Variants in AGBL1 observed in about 807,000 individuals in gnomAD.
The protein encoded by AGBL1 is cytosolic carboxypeptidase 4.
Under a neutral mutation model 118.9 loss-of-function variants are expected in AGBL1, and 130 were observed. That is an observed-to-expected ratio of 1.09 (90% CI 0.95 to 1.26). The LOEUF is 1.26. Among genes scored for constraint, AGBL1 ranks in the 50% most tolerant of loss-of-function variants. The pLI is 0.00. For synonymous variants in AGBL1, 555 were observed against 478.9 expected, an observed-to-expected ratio of 1.16 and a Z score of -2.08; for missense variants, 1,584 against 1,298.1, an observed-to-expected ratio of 1.22 and a Z score of -3.38.
intron 13 of AGBL1, among the ~76,000 whole-genome samples, chr15:86,269,076 T>C (rs1340023741): frequency 1.3e-5 from 2 of 152,154 alleles, no homozygotes; most frequent in Non-Finnish European, 2.9e-5. Flanking sequence ...GGGGAGAGGA[T>C]CCCTGAGGGC....
At chr15:86,093,284 A>C (rs527425422) in intron 1 of AGBL1, among the ~76,000 whole-genome samples, 1 of 152,314 alleles carries the variant, frequency 6.6e-6, no homozygotes, top group East Asian at 1.9e-4. Flanking sequence ...AAAAATCCTA[A>C]GTACCTGCTA....
In AGBL1 at chr15:86,801,310, C is replaced by CATCTGTCT. The variant is rs1555451584; in HGVS notation, c.3159-105773_3159-105772insGTCTATCT. ...CTTGGCTTATAACTGTTGATGATTA[C>CATCTGTCT]ATCTATCTATCTATCTATCTATCTA... is the stretch of plus-strand genomic sequence containing the variant. On this transcript the variant is annotated intron_variant, in intron 22 of 22. Coordinates refer to ENST00000614907, the MANE Select transcript of AGBL1 (RefSeq NM_001386094.1). Among the ~76,000 whole-genome samples, 169 of 147,314 alleles carry CATCTGTCT rather than the reference C, an allele frequency of 1.1e-3. 1 individual carries two copies. The highest frequency in any genetic ancestry group is 3.8e-3 in the African/African-American group (153 of 40,004).
intron 17 of AGBL1, among the ~76,000 whole-genome samples, chr15:86,356,751 A>T (rs1187582841): frequency 6.6e-6 from 1 of 151,898 alleles, no homozygotes; most frequent in Non-Finnish European, 1.5e-5. Flanking sequence ...TGGGCAAACG[A>T]GGAGGTATTC....
At chr15:86,223,005 G>A (rs1436687384) in intron 5 of AGBL1, among the ~76,000 whole-genome samples, 1 of 152,054 alleles carries the variant, frequency 6.6e-6, no homozygotes, top group Non-Finnish European at 1.5e-5. Flanking sequence ...GTTTCTATCT[G>A]GCTTTCAGAA....
intron 23 of AGBL1, among the ~76,000 whole-genome samples, chr15:86,955,887 A>G (rs1285290361): frequency 6.6e-6 from 1 of 152,080 alleles, no homozygotes. Flanking sequence ...TCAATAATAT[A>G]TATGTTATTG....
At chr15:86,999,302 T>A (rs1452246110) in intron 24 of AGBL1, among the ~76,000 whole-genome samples, 1 of 151,570 alleles carries the variant, frequency 6.6e-6, no homozygotes, top group East Asian at 1.9e-4. Flanking sequence ...ACATGTGCCA[T>A]GCTGGTGCGC....
chr15:86,333,412 C>T (rs1346573108), intron 17 of AGBL1, among the ~76,000 whole-genome samples: 2 of 151,986 alleles, frequency 1.3e-5, no homozygotes, highest in Non-Finnish European at 2.9e-5. Flanking sequence ...ATCTTTGTGC[C>T]CACAAAGTAG....
chr15:86,559,191 G>A (rs2083778817), intron 21 of AGBL1, among the ~76,000 whole-genome samples: 1 of 152,088 alleles, frequency 6.6e-6, no homozygotes, highest in African/African-American at 2.4e-5. Context: ...CCTTACTCCA[G>A]GATGACCTCA....
intron 17 of AGBL1, among the ~76,000 whole-genome samples, chr15:86,375,210 G>A (rs2081025718): frequency 6.6e-6 from 1 of 152,164 alleles, no homozygotes; most frequent in African/African-American, 2.4e-5. Context: ...AATTTATAAA[G>A]AAAAGAGGTT....
intron 6 of AGBL1, among the ~76,000 whole-genome samples, chr15:86,228,117 G>A (rs1192009788): frequency 6.6e-6 from 1 of 152,214 alleles, no homozygotes; most frequent in Non-Finnish European, 1.5e-5. Flanking sequence ...GTCAGGGGTT[G>A]CTGCAGGGCA....
intron 22 of AGBL1, among the ~76,000 whole-genome samples, chr15:86,905,150 C>G (rs1489451089): frequency 2.0e-5 from 3 of 151,980 alleles, no homozygotes; most frequent in Non-Finnish European, 4.4e-5. Flanking sequence ...ATTGTGAAGG[C>G]TTGGGAAAAT....
chr15:86,631,448 CAG>C (rs1567092501), intron 21 of AGBL1, among the ~76,000 whole-genome samples: 1 of 152,164 alleles, frequency 6.6e-6, no homozygotes, highest in African/African-American at 2.4e-5. Context: ...GAGAGAGATT[CAG>C]AGAGATTGTG....
intron 5 of AGBL1, among the ~76,000 whole-genome samples, chr15:86,222,469 C>T (rs1460982161): frequency 2.0e-5 from 3 of 152,106 alleles, no homozygotes; most frequent in Non-Finnish European, 4.4e-5. Flanking sequence ...CCTCAGCTCT[C>T]GTTAATTTTT....
At chr15:86,972,964 G>T (rs372472848) in intron 23 of AGBL1, among the ~76,000 whole-genome samples, 1 of 151,962 alleles carries the variant, frequency 6.6e-6, no homozygotes, top group Non-Finnish European at 1.5e-5. Flanking sequence ...GGTATAAGCA[G>T]TATAGCTCGG....
At chr15:86,396,935 A>T (rs1411851869) in intron 17 of AGBL1, among the ~76,000 whole-genome samples, 2 of 152,114 alleles carry the variant, frequency 1.3e-5, no homozygotes, top group African/African-American at 4.8e-5. Context: ...ATCTTGATAA[A>T]ATCTGCTTCT....
intron 21 of AGBL1, among the ~76,000 whole-genome samples, chr15:86,656,989 C>T (rs926712269): frequency 6.6e-6 from 1 of 152,158 alleles, no homozygotes; most frequent in Non-Finnish European, 1.5e-5. Context: ...TACCTGCTCC[C>T]CAGCCCTCCA....
At chr15:86,628,442 G>A (rs575455418) in intron 21 of AGBL1, among the ~76,000 whole-genome samples, 4 of 152,212 alleles carry the variant, frequency 2.6e-5, no homozygotes, top group East Asian at 3.9e-4. Context: ...ACTGATAGGC[G>A]CGTTGAATGA....
At chr15:86,637,381 A>G (rs1446668181) in intron 21 of AGBL1, among the ~76,000 whole-genome samples, 1 of 152,062 alleles carries the variant, frequency 6.6e-6, no homozygotes, top group Non-Finnish European at 1.5e-5. Flanking sequence ...GAGAAACACA[A>G]ATGAGAAAGG....
chr15:86,690,045 C>A (rs1010718248), intron 22 of AGBL1, among the ~76,000 whole-genome samples: 6 of 152,042 alleles, frequency 3.9e-5, no homozygotes, highest in Non-Finnish European at 7.4e-5. Context: ...CTGTGGTCAA[C>A]ACAAAACCTA....
Sources: gnomAD v4.1 joint callset for allele counts (sites outside exome capture counted in the v4.1 genomes callset) on GRCh38, gnomAD v4.1.1 for gene constraint, MANE v1.5 for transcripts, NCBI Gene and HGNC (gene_info 2026-07-23, HGNC 2026-07-21) for gene names.